Variants in STK10 observed in about 807,000 individuals in gnomAD.
STK10 encodes the protein serine/threonine-protein kinase 10.
In STK10, 78 loss-of-function variants were observed where a neutral mutation model predicts 113.8. The ratio of observed to expected loss-of-function variants is 0.69; its 90% CI spans 0.57 to 0.83. STK10 has a LOEUF of 0.83. STK10 is among the 40% of genes least tolerant of loss of function. STK10 has a pLI of 0.00. For missense variants in STK10, 1,109 were observed against 1,280.1 expected (o/e 0.87, Z 2.04); for synonymous variants, 465 against 494.7 (o/e 0.94, Z 0.80).
intron 2 of STK10, among the ~76,000 whole-genome samples, chr5:172,139,389 A>C (rs1323317491): frequency 6.6e-6 from 1 of 151,632 alleles, no homozygotes; most frequent in East Asian, 1.9e-4. Context: ...AAGGCTGGGC[A>C]TGGTGGCTCA....
At chr5:172,068,955 G>A (rs898938967) in intron 12 of STK10, among the ~76,000 whole-genome samples, 1 of 151,716 alleles carries the variant, frequency 6.6e-6, no homozygotes, top group African/African-American at 2.4e-5. Context: ...AATTTACATG[G>A]TTGTAAAGGT....
intron 1 of STK10, among the ~76,000 whole-genome samples, chr5:172,183,919 G>A (rs999194758): frequency 2.0e-5 from 3 of 152,062 alleles, no homozygotes; most frequent in African/African-American, 4.8e-5. Context: ...GGCTTATCAG[G>A]GAGAGGAGGA....
chr5:172,167,667 T>C (rs144094644), intron 1 of STK10, among the ~76,000 whole-genome samples: 1 of 152,198 alleles, frequency 6.6e-6, no homozygotes, highest in Non-Finnish European at 1.5e-5. Flanking sequence ...TCTGATACAG[T>C]AGCTACTAGC....
chr5:172,097,673 G>A (rs191067340), intron 7 of STK10, among the ~76,000 whole-genome samples: 57 of 152,226 alleles, frequency 3.7e-4, no homozygotes, highest in Non-Finnish European at 8.8e-5. Flanking sequence ...CTGGACATCT[G>A]GGCTGTTTCC....
Position 172,079,476 on chromosome 5 carries a change from T to C in STK10, c.1989+2850A>G, listed in dbSNP as rs529534717. Among the ~76,000 whole-genome samples, 106 of 152,266 alleles carry C rather than the reference T, an allele frequency of 7.0e-4. 1 individual carries two copies. The highest frequency in any genetic ancestry group is 2.5e-3 in the African/African-American group (102 of 41,526). ...TGGCAACTGTTTTATTTGTTCAATA[T>C]TGGACTTTTTGTTTGTTTGTCTGGC... On this transcript the variant is annotated intron_variant, in intron 12 of 18. Coordinates refer to ENST00000176763, the MANE Select transcript of STK10 (RefSeq NM_005990.4).
chr5:172,074,318 C>T (rs1768263072), intron 12 of STK10, among the ~76,000 whole-genome samples: 6 of 152,194 alleles, frequency 3.9e-5, no homozygotes, highest in Admixed American at 3.9e-4. Context: ...ATCGTCAAGA[C>T]ACTGTAGTAT....
intron 7 of STK10, among the ~76,000 whole-genome samples, chr5:172,103,112 C>T (rs948194286): frequency 1.3e-5 from 2 of 152,232 alleles, no homozygotes; most frequent in Admixed American, 1.3e-4. Context: ...CCGGTAGACA[C>T]CCTGAAGGCT....
chr5:172,074,362 G>A (rs534483256), intron 12 of STK10, among the ~76,000 whole-genome samples: 22 of 152,272 alleles, frequency 1.4e-4, no homozygotes, highest in Non-Finnish European at 3.1e-4. Context: ...CGGTGAAACA[G>A]CAGAGAATCC....
chr5:172,125,706 G>A (rs1367839439), intron 3 of STK10, among the ~76,000 whole-genome samples: 1 of 152,166 alleles, frequency 6.6e-6, no homozygotes, highest in East Asian at 1.9e-4. Flanking sequence ...AATTGTTACA[G>A]CTGTACCACC....
At chr5:172,067,709 G>A (rs1418864573) in intron 12 of STK10, among the ~76,000 whole-genome samples, 1 of 151,868 alleles carries the variant, frequency 6.6e-6, no homozygotes, top group Non-Finnish European at 1.5e-5. Flanking sequence ...AAACAATAGT[G>A]GAATGGTGAT....
intron 1 of STK10, among the ~76,000 whole-genome samples, chr5:172,164,110 G>A (rs1027189080): frequency 6.6e-6 from 1 of 151,694 alleles, no homozygotes; most frequent in Non-Finnish European, 1.5e-5. Flanking sequence ...TACTCGGGAG[G>A]CTGAGGCAGG....
At chr5:172,166,300 ACCTGAAGG>A (rs1770570558) in intron 1 of STK10, among the ~76,000 whole-genome samples, 1 of 152,142 alleles carries the variant, frequency 6.6e-6, no homozygotes, top group Non-Finnish European at 1.5e-5. Flanking sequence ...AGACAGCTGT[ACCTGAAGG>A]CGGACTCTAC....
chr5:172,167,775 T>C (rs147334110), intron 1 of STK10, among the ~76,000 whole-genome samples: 2 of 152,336 alleles, frequency 1.3e-5, no homozygotes, highest in African/African-American at 2.4e-5. Flanking sequence ...GGCTACCGTA[T>C]TGAACAGAGC....
intron 12 of STK10, among the ~76,000 whole-genome samples, chr5:172,078,565 G>A (rs916951025): frequency 1.4e-5 from 2 of 141,334 alleles, no homozygotes; most frequent in African/African-American, 5.2e-5. Context: ...TTGAGCCCAG[G>A]AGTTCAAGGC....
intron 4 of STK10, among the ~76,000 whole-genome samples, chr5:172,111,370 G>C (rs1272622820): frequency 6.6e-6 from 1 of 152,138 alleles, no homozygotes; most frequent in East Asian, 1.9e-4. Context: ...GAAGAGAGAC[G>C]AGAAACAGAA....
chr5:172,156,791 G>T lies in STK10; in HGVS notation c.157-3C>A. The stretch of plus-strand genomic sequence containing the variant: ...GCACCCGTCTCCTTATTCTTGGCCT[G>T]CAAAGAGGAGATACAGGAGGTCAAC... On this transcript the variant is annotated splice_polypyrimidine_tract_variant and splice_region_variant and intron_variant, in intron 1 of 18. Transcript: ENST00000176763. The T allele has an allele frequency of 6.2e-7, 1 of 1,612,222 alleles. No individual in the cohort carries two copies. Among genetic ancestry groups the T allele is most frequent in the Non-Finnish European group, 8.5e-7 (1 of 1,178,594 alleles).
chr5:172,159,860 G>A (rs192855972), intron 1 of STK10, among the ~76,000 whole-genome samples: 44 of 152,066 alleles, frequency 2.9e-4, no homozygotes, highest in African/African-American at 6.3e-4. Context: ...GAAAAAGGCC[G>A]GGCGCAGTGG....
At chr5:172,167,578 G>C (rs1770593747) in intron 1 of STK10, among the ~76,000 whole-genome samples, 1 of 152,188 alleles carries the variant, frequency 6.6e-6, no homozygotes. Context: ...CATAGAGAGA[G>C]ACCACTTCAT....
At chr5:172,076,839 C>T (rs903434122) in intron 12 of STK10, among the ~76,000 whole-genome samples, 2 of 152,122 alleles carry the variant, frequency 1.3e-5, no homozygotes, top group Non-Finnish European at 2.9e-5. Context: ...TTAAAGGCCT[C>T]ACGAGCTTAA....
Sources: allele counts gnomAD v4.1 joint callset (sites outside exome capture counted in the v4.1 genomes callset), GRCh38; gene constraint gnomAD v4.1.1; transcripts MANE v1.5; gene names NCBI Gene and HGNC (gene_info 2026-07-23, HGNC 2026-07-21).